The following CHST11 variants were observed in gnomAD, a reference collection of about 807,000 sequenced individuals.
CHST11 encodes carbohydrate sulfotransferase 11.
CHST11 carries 9 observed loss-of-function variants against 30.4 expected under a neutral mutation model. That is an observed-to-expected ratio of 0.30 (90% confidence interval 0.18 to 0.52). The LOEUF (loss-of-function observed/expected upper bound fraction) is 0.52, where lower values mean the gene tolerates loss of function less well. CHST11 is among the 20% of genes least tolerant of loss of function. CHST11 has a pLI of 0.97. For missense variants in CHST11, 348 were observed against 460.6 expected, an observed-to-expected ratio of 0.76 and a Z score of 2.24; for synonymous variants, 152 against 187.8, an observed-to-expected ratio of 0.81 and a Z score of 1.56.
chr12:104,680,590 G>T (rs917733384), intron 2 of CHST11, among the ~76,000 whole-genome samples: 4 of 152,220 alleles, frequency 2.6e-5, no homozygotes, highest in African/African-American at 9.7e-5. Context: ...TCATTCGAGG[G>T]TTTATTTCTG....
Position 104,625,326 on chromosome 12 carries a change from C to T in CHST11, c.204+23335C>T, listed in dbSNP as rs146029074. On this transcript the variant is annotated intron_variant, in intron 2 of 2. Transcript: ENST00000303694. ...CCTTTTTCTTTTTCTTTTTCTGAGA[C>T]GGAGTTTCGCTCTTGTCGCCCAGGC... Among the ~76,000 whole-genome samples the T allele has an allele frequency of 4.9e-3, 753 of 152,154 alleles. 8 individuals are homozygous for T. Among genetic ancestry groups the T allele is most frequent in the African/African-American group, 0.017 (718 of 41,490 alleles).
chr12:104,577,661 T>A (rs1460387118), intron 1 of CHST11, among the ~76,000 whole-genome samples: 1 of 152,192 alleles, frequency 6.6e-6, no homozygotes, highest in Non-Finnish European at 1.5e-5. Context: ...CAACTTCCCC[T>A]GCTTTCCTAG....
chr12:104,522,851 A>T (rs1157760279), intron 1 of CHST11, among the ~76,000 whole-genome samples: 2 of 152,168 alleles, frequency 1.3e-5, no homozygotes, highest in Admixed American at 1.3e-4. Flanking sequence ...GGACCTCTGT[A>T]GGATGGGTTT....
intron 2 of CHST11, among the ~76,000 whole-genome samples, chr12:104,605,199 A>G (rs1352943266): frequency 6.6e-6 from 1 of 151,994 alleles, no homozygotes; most frequent in Non-Finnish European, 1.5e-5. Context: ...TCACTGGACA[A>G]AGGGTTGGGA....
chr12:104,511,335 GCAAAAC>G (rs2037964118), intron 1 of CHST11, among the ~76,000 whole-genome samples: 1 of 152,198 alleles, frequency 6.6e-6, no homozygotes, highest in Admixed American at 6.5e-5. Flanking sequence ...AGGCTGGCCA[GCAAAAC>G]TTCTTTGGAA....
chr12:104,746,052 T>G (rs1401186396), intron 2 of CHST11, among the ~76,000 whole-genome samples: 2 of 152,218 alleles, frequency 1.3e-5, no homozygotes, highest in African/African-American at 2.4e-5. Flanking sequence ...TTTTGCCCGT[T>G]TAGTATGATG....
At chr12:104,749,138 C>A (rs1171695606) in intron 2 of CHST11, among the ~76,000 whole-genome samples, 3 of 152,164 alleles carry the variant, frequency 2.0e-5, no homozygotes, top group African/African-American at 7.2e-5. Context: ...GGAAGTGAAT[C>A]GTGGCATTAT....
chr12:104,503,521 A>G (rs902561522), intron 1 of CHST11, among the ~76,000 whole-genome samples: 4 of 152,228 alleles, frequency 2.6e-5, no homozygotes, highest in Admixed American at 2.6e-4. Context: ...AAATCCATGT[A>G]AATGCTTAGA....
chr12:104,533,286 A>G (rs1389505344), intron 1 of CHST11, among the ~76,000 whole-genome samples: 1 of 152,202 alleles, frequency 6.6e-6, no homozygotes, highest in African/African-American at 2.4e-5. Context: ...CCTGGGTTGG[A>G]AAGAATAGGA....
At chr12:104,613,272 GAGAT>G (rs76809682) in intron 2 of CHST11, among the ~76,000 whole-genome samples, 40,086 of 151,256 alleles carry the variant, frequency 0.27, 5,415 homozygotes, top group East Asian at 0.42. Context: ...AAATGTGAGT[GAGAT>G]AGATAGATAG....
chr12:104,511,493 A>G (rs117233238), intron 1 of CHST11, among the ~76,000 whole-genome samples: 2,650 of 152,342 alleles, frequency 0.017, 41 homozygotes, highest in Non-Finnish European at 0.023. Context: ...GTTACAGCAA[A>G]TGCAGTTGAC....
At chr12:104,558,101 C>T (rs1302813351) in intron 1 of CHST11, among the ~76,000 whole-genome samples, 1 of 152,032 alleles carries the variant, frequency 6.6e-6, no homozygotes, top group East Asian at 1.9e-4. Flanking sequence ...GCAGTTACTC[C>T]CCCTCATCAA....
chr12:104,457,263 G>T lies in CHST11; in HGVS notation c.-149G>T, dbSNP rs1344931298. On this transcript the variant is annotated 5_prime_UTR_variant, in exon 1 of 3. Coordinates refer to ENST00000303694, the MANE Select transcript of CHST11 (RefSeq NM_018413.6). ...CCTGCCCGGGCTGGGGGCTCCGAGAGCGGCCGCGAAGCGACTCCGATCCTC... is the reference window on the plus strand; with the variant it reads ...CCTGCCCGGGCTGGGGGCTCCGAGATCGGCCGCGAAGCGACTCCGATCCTC... 3.4e-6 allele frequency: 2 copies of T among 590,972 alleles called. No individual in the cohort carries two copies. Among genetic ancestry groups the T allele is most frequent in the African/African-American group, 3.8e-5 (2 of 52,868 alleles). 36.6% of individuals were successfully genotyped at this position (590,972 alleles called of 1,614,324 possible).
intron 1 of CHST11, among the ~76,000 whole-genome samples, chr12:104,584,503 T>C (rs2136034650): frequency 6.6e-6 from 1 of 151,372 alleles, no homozygotes; most frequent in Non-Finnish European, 1.5e-5. Context: ...CTGATCCCCC[T>C]TCCTCAGCCT....
chr12:104,759,019 T>C lies in CHST11; in HGVS notation c.*1216T>C, dbSNP rs1309617513. 3 of 152,208 alleles carry C rather than the reference T, an allele frequency of 2.0e-5. No homozygotes were observed. Among genetic ancestry groups the C allele is most frequent in the African/African-American group, 7.2e-5 (3 of 41,460 alleles). 9.4% of individuals were successfully genotyped at this position (152,208 alleles called of 1,614,324 possible). ...ACTCCTCAAGTGCCTCCTACTGTCA[T>C]CTCCATTCAGCCTAGCACCACATCC... On this transcript the variant is annotated 3_prime_UTR_variant, in exon 3 of 3. Transcript: ENST00000303694.
chr12:104,630,270 A>G (rs1472619101), intron 2 of CHST11, among the ~76,000 whole-genome samples: 1 of 151,958 alleles, frequency 6.6e-6, no homozygotes, highest in South Asian at 2.1e-4. Flanking sequence ...TCTGCCTACC[A>G]CACTAGCTGT....
chr12:104,471,374 G>C (rs560923578), intron 1 of CHST11, among the ~76,000 whole-genome samples: 3 of 152,264 alleles, frequency 2.0e-5, no homozygotes, highest in Admixed American at 2.0e-4. Flanking sequence ...GGGATAGCGG[G>C]TATGGAATTT....
At chr12:104,737,579 T>C (rs2136136552) in intron 2 of CHST11, among the ~76,000 whole-genome samples, 1 of 152,332 alleles carries the variant, frequency 6.6e-6, no homozygotes, top group South Asian at 2.1e-4. Context: ...AATGATCAGT[T>C]GATCTAGAGC....
At chr12:104,480,592 A>C (rs1267299422) in intron 1 of CHST11, among the ~76,000 whole-genome samples, 1 of 151,966 alleles carries the variant, frequency 6.6e-6, no homozygotes, top group Non-Finnish European at 1.5e-5. Context: ...AAAAAAAAAA[A>C]AAAAAGATGA....
Sources: gnomAD v4.1 joint callset for allele counts (sites outside exome capture counted in the v4.1 genomes callset) on GRCh38, gnomAD v4.1.1 for gene constraint, MANE v1.5 for transcripts, NCBI Gene and HGNC (gene_info 2026-07-23, HGNC 2026-07-21) for gene names.